Variants in COL23A1 observed in about 807,000 individuals in gnomAD.
COL23A1 encodes collagen type XXIII alpha 1 chain, also known as collagen alpha-1(XXIII) chain.
Under a neutral mutation model 99.3 loss-of-function variants are expected in COL23A1, and 97 were observed. The ratio of observed to expected loss-of-function variants is 0.98; its 90% CI spans 0.83 to 1.16. The LOEUF is 1.16. COL23A1 is among the 50% of genes most tolerant of loss of function. The probability of loss-of-function intolerance (pLI) is 0.00; values close to 1 mark genes in which losing one functional copy is unlikely to be tolerated. For missense variants in COL23A1, 762 were observed against 757.4 expected, an observed-to-expected ratio of 1.01 and a Z score of -0.07; for synonymous variants, 320 against 308.2, an observed-to-expected ratio of 1.04 and a Z score of -0.40.
intron 2 of COL23A1, among the ~76,000 whole-genome samples, chr5:178,535,031 C>T (rs1484868496): frequency 3.5e-5 from 5 of 142,112 alleles, no homozygotes; most frequent in Non-Finnish European, 6.0e-5. Flanking sequence ...AGTGCGGTGG[C>T]GTGATTTCGG....
At chr5:178,377,600 T>A (rs1581260904) in intron 2 of COL23A1, among the ~76,000 whole-genome samples, 1 of 152,268 alleles carries the variant, frequency 6.6e-6, no homozygotes, top group East Asian at 1.9e-4. Context: ...CAATTCCCCA[T>A]CCCAACCCCA....
chr5:178,253,484 A>ATTT lies in COL23A1; in HGVS notation c.961-890_961-888dup, dbSNP rs1227466821. Among the ~76,000 whole-genome samples, 4 of 150,762 alleles carry ATTT rather than the reference A, an allele frequency of 2.7e-5. No homozygotes were observed. In the East Asian group the frequency reaches 7.9e-4, roughly 30 times the overall value. On this transcript the variant is annotated intron_variant, in intron 16 of 28. Transcript: ENST00000390654. ...TTCCCCCAATATGTTTTTATTTTTT[A>ATTT]TTTTTTTTTTATTTTTGAGATGGAG...
At chr5:178,442,730 T>C (rs1469727406) in intron 2 of COL23A1, among the ~76,000 whole-genome samples, 1 of 152,248 alleles carries the variant, frequency 6.6e-6, no homozygotes, top group African/African-American at 2.4e-5. Context: ...CAGCTCTGGC[T>C]GGAGGGAGCA....
intron 2 of COL23A1, among the ~76,000 whole-genome samples, chr5:178,389,508 T>A (rs1763850912): frequency 6.6e-6 from 1 of 152,244 alleles, no homozygotes; most frequent in Non-Finnish European, 1.5e-5. Context: ...TGATGTCCAC[T>A]GGGGAGCTGC....
intron 2 of COL23A1, among the ~76,000 whole-genome samples, chr5:178,430,486 C>T (rs530985121): frequency 2.0e-3 from 299 of 152,262 alleles, no homozygotes; most frequent in African/African-American, 6.9e-3. Context: ...TCGTGAGAGG[C>T]GAGCTTCTCT....
intron 2 of COL23A1, among the ~76,000 whole-genome samples, chr5:178,493,802 G>A (rs1157730753): frequency 3.3e-5 from 5 of 152,228 alleles, no homozygotes; most frequent in South Asian, 2.1e-4. Context: ...CCATCTTCCT[G>A]GGCTGATGCA....
In COL23A1 at chr5:178,349,638, T is replaced by C. The variant is rs570184704; in HGVS notation, c.362-42719A>G. On this transcript the variant is annotated intron_variant, in intron 2 of 28. Coordinates refer to ENST00000390654, the MANE Select transcript of COL23A1 (RefSeq NM_173465.4). ...CCAATGTAATGGGAGGCTTTCCTTT[T>C]TTTTTGTCTTCTGTCTCCCTTGGGG... Among the ~76,000 whole-genome samples, 9 of 152,244 alleles carry C rather than the reference T, an allele frequency of 5.9e-5. 1 individual carries two copies. In the East Asian group the frequency reaches 1.7e-3, roughly 29 times the overall value.
intron 2 of COL23A1, among the ~76,000 whole-genome samples, chr5:178,389,112 C>T (rs926501148): frequency 6.6e-6 from 1 of 152,132 alleles, no homozygotes; most frequent in South Asian, 2.1e-4. Flanking sequence ...GTCACGCTCC[C>T]GTTGCCTCAG....
chr5:178,508,355 G>T (rs1310131075), intron 2 of COL23A1, among the ~76,000 whole-genome samples: 1 of 152,072 alleles, frequency 6.6e-6, no homozygotes, highest in Non-Finnish European at 1.5e-5. Flanking sequence ...CTCAGTGTTG[G>T]TGTGTGCTGT....
intron 2 of COL23A1, among the ~76,000 whole-genome samples, chr5:178,379,868 C>G (rs372939936): frequency 2.8e-5 from 4 of 142,424 alleles, no homozygotes; most frequent in Admixed American, 7.2e-5. Flanking sequence ...GCAACAAGAG[C>G]GAAACTCCAT....
chr5:178,523,165 TATATATATATATACAC>T (rs1461696429), intron 2 of COL23A1, among the ~76,000 whole-genome samples: 1 of 95,346 alleles, frequency 1.0e-5, no homozygotes, highest in Non-Finnish European at 2.1e-5. Context: ...TATATATACA[TATATATATATATACAC>T]ATATATATAT....
intron 2 of COL23A1, among the ~76,000 whole-genome samples, chr5:178,556,049 C>T (rs1219587197): frequency 6.6e-6 from 1 of 152,226 alleles, no homozygotes; most frequent in African/African-American, 2.4e-5. Context: ...CCCTCCATCA[C>T]AGCACACACG....
intron 2 of COL23A1, among the ~76,000 whole-genome samples, chr5:178,343,925 T>A (rs1389840958): frequency 2.0e-5 from 3 of 152,154 alleles, no homozygotes; most frequent in African/African-American, 7.2e-5. Flanking sequence ...CCTCCCAAAG[T>A]GCTGGGATTA....
chr5:178,368,360 A>G (rs1431792259), intron 2 of COL23A1, among the ~76,000 whole-genome samples: 1 of 152,166 alleles, frequency 6.6e-6, no homozygotes, highest in Non-Finnish European at 1.5e-5. Flanking sequence ...ATATCCCCTC[A>G]GCCCACAAAC....
At chr5:178,360,536 C>A (rs551146570) in intron 2 of COL23A1, among the ~76,000 whole-genome samples, 1 of 152,308 alleles carries the variant, frequency 6.6e-6, no homozygotes, top group South Asian at 2.1e-4. Flanking sequence ...GGAGAACTGA[C>A]CGCACACAGA....
intron 2 of COL23A1, among the ~76,000 whole-genome samples, chr5:178,385,261 C>G (rs539358083): frequency 2.0e-5 from 3 of 152,236 alleles, no homozygotes; most frequent in Admixed American, 6.5e-5. Flanking sequence ...TTGCGGGGAC[C>G]CCTCTGAGCT....
intron 2 of COL23A1, among the ~76,000 whole-genome samples, chr5:178,500,447 TG>T (rs1562027713): frequency 1.9e-5 from 2 of 106,294 alleles, no homozygotes; most frequent in African/African-American, 8.6e-5. Flanking sequence ...AAAAAAAAAA[TG>T]GTTTTAATTA....
At chr5:178,326,551 A>G (rs575168955) in intron 2 of COL23A1, among the ~76,000 whole-genome samples, 9 of 152,222 alleles carry the variant, frequency 5.9e-5, no homozygotes, top group Admixed American at 3.3e-4. Context: ...GGCCCTGGCC[A>G]TCTGTCCACG....
At chr5:178,297,792 G>A (rs1333922843) in intron 3 of COL23A1, among the ~76,000 whole-genome samples, 1 of 152,124 alleles carries the variant, frequency 6.6e-6, no homozygotes, top group African/African-American at 2.4e-5. Context: ...GTCAGCATGT[G>A]CTGAATGGAT....
Sources: gnomAD v4.1 joint callset for allele counts (sites outside exome capture counted in the v4.1 genomes callset) on GRCh38, gnomAD v4.1.1 for gene constraint, MANE v1.5 for transcripts, NCBI Gene and HGNC (gene_info 2026-07-23, HGNC 2026-07-21) for gene names.